The following CPNE8 variants were observed in gnomAD, a reference collection of about 807,000 sequenced individuals.
CPNE8 encodes the protein copine-8.
A neutral mutation model predicts 81.5 loss-of-function variants in CPNE8; 45 were observed. The observed-to-expected ratio is 0.55, with a 90% CI of 0.44 to 0.71. The LOEUF (loss-of-function observed/expected upper bound fraction) is 0.71, where lower values mean the gene tolerates loss of function less well. Ranked by LOEUF, CPNE8 falls within the 30% of genes least tolerant of loss-of-function variation. The pLI, the probability that CPNE8 is intolerant of heterozygous loss-of-function variation, is 0.00. For synonymous variants in CPNE8, 252 were observed against 226.3 expected (o/e 1.11, Z -1.02); for missense variants, 594 against 672.1 (o/e 0.88, Z 1.28).
intron 8 of CPNE8, among the ~76,000 whole-genome samples, chr12:38,764,402 G>A (rs960411127): frequency 6.6e-5 from 10 of 151,678 alleles, no homozygotes; most frequent in Admixed American, 3.3e-4. Context: ...CGGATCACGA[G>A]GTCAGGAGAT....
intron 14 of CPNE8, among the ~76,000 whole-genome samples, chr12:38,697,898 C>T (rs1378738346): frequency 6.6e-6 from 1 of 152,132 alleles, no homozygotes; most frequent in Non-Finnish European, 1.5e-5. Context: ...TCACCAGAAG[C>T]CAAGCAAATG....
chr12:38,710,614 C>A (rs141262552), intron 13 of CPNE8, among the ~76,000 whole-genome samples: 2 of 152,244 alleles, frequency 1.3e-5, no homozygotes, highest in Non-Finnish European at 2.9e-5. Flanking sequence ...GCAACCCATG[C>A]CATTTTCTAC....
At chr12:38,811,329 C>T (rs377662466) in intron 6 of CPNE8, among the ~76,000 whole-genome samples, 1 of 151,770 alleles carries the variant, frequency 6.6e-6, no homozygotes, top group African/African-American at 2.4e-5. Flanking sequence ...GACTAAACTA[C>T]AACAAAAAAA....
chr12:38,798,930 C>T (rs1316703365), intron 6 of CPNE8, among the ~76,000 whole-genome samples: 3 of 152,066 alleles, frequency 2.0e-5, no homozygotes, highest in Non-Finnish European at 2.9e-5. Context: ...TTTAAACCAA[C>T]AAAGATCAAA....
chr12:38,845,074 A>G (rs1943534741), intron 4 of CPNE8, among the ~76,000 whole-genome samples: 1 of 151,984 alleles, frequency 6.6e-6, no homozygotes. Context: ...ATCACTTGGG[A>G]GTCACAAACA....
At chr12:38,690,685 G>A (rs1939654200) in intron 15 of CPNE8, among the ~76,000 whole-genome samples, 1 of 152,064 alleles carries the variant, frequency 6.6e-6, no homozygotes, top group African/African-American at 2.4e-5. Context: ...GAAAAGTGGA[G>A]GGGAGGAAAA....
intron 1 of CPNE8, among the ~76,000 whole-genome samples, chr12:38,901,594 A>G (rs375383843): frequency 9.1e-4 from 138 of 152,354 alleles, no homozygotes; most frequent in African/African-American, 3.2e-3. Flanking sequence ...AATTTATACA[A>G]TAAAAGAAAA....
intron 13 of CPNE8, among the ~76,000 whole-genome samples, chr12:38,718,658 G>T (rs576893165): frequency 6.6e-6 from 1 of 151,948 alleles, no homozygotes; most frequent in Non-Finnish European, 1.5e-5. Context: ...TGTGAAATAC[G>T]TATATCATTA....
chr12:38,653,625 A>AAAAAAAAAAG lies in CPNE8; in HGVS notation c.*256_*257insCTTTTTTTTT, dbSNP rs1444932251. 5 of 290,598 alleles carry AAAAAAAAAAG rather than the reference A, an allele frequency of 1.7e-5. No homozygotes were observed. Among genetic ancestry groups the AAAAAAAAAAG allele is most frequent in the East Asian group, 1.1e-4 (2 of 18,676 alleles). 18.0% of individuals were successfully genotyped at this position (290,598 alleles called of 1,614,324 possible). On this transcript the variant is annotated 3_prime_UTR_variant, in exon 20 of 20. Coordinates refer to ENST00000331366, the MANE Select transcript of CPNE8 (RefSeq NM_153634.3). ...AAATTAGCTGTTTCTGTTAAAAAAA[A>AAAAAAAAAAG]AAAGAAAGAAAGATTTAGAGAAGAC...
chr12:38,692,315 A>G (rs944620687), intron 15 of CPNE8, among the ~76,000 whole-genome samples: 1 of 151,698 alleles, frequency 6.6e-6, no homozygotes. Flanking sequence ...AAACAAATAA[A>G]CCAAAAAAAA....
At chr12:38,657,774 C>A (rs12831609) in intron 19 of CPNE8, among the ~76,000 whole-genome samples, 49,858 of 152,014 alleles carry the variant, frequency 0.33, 9,928 homozygotes, top group Non-Finnish European at 0.45. Flanking sequence ...TGGAGTGGAC[C>A]CCCAGCAAAC....
At chr12:38,880,464 G>A (rs1944135991) in intron 1 of CPNE8, among the ~76,000 whole-genome samples, 1 of 152,112 alleles carries the variant, frequency 6.6e-6, no homozygotes, top group African/African-American at 2.4e-5. Flanking sequence ...CAGAGTAGAA[G>A]GGGAATCTAG....
intron 3 of CPNE8, among the ~76,000 whole-genome samples, chr12:38,870,644 G>A (rs540000926): frequency 5.3e-5 from 8 of 152,168 alleles, no homozygotes; most frequent in South Asian, 2.1e-4. Flanking sequence ...GCCTGTCGGC[G>A]GGTGGGGGGC....
chr12:38,774,082 C>A (rs1271540584), intron 7 of CPNE8, among the ~76,000 whole-genome samples: 2 of 152,136 alleles, frequency 1.3e-5, no homozygotes, highest in Non-Finnish European at 2.9e-5. Flanking sequence ...CTAAATGACA[C>A]ATTCCCTTTC....
intron 18 of CPNE8, among the ~76,000 whole-genome samples, chr12:38,673,555 T>C (rs1939225627): frequency 6.6e-6 from 1 of 152,130 alleles, no homozygotes; most frequent in African/African-American, 2.4e-5. Flanking sequence ...GAAGCACCTG[T>C]TGTCGCCTAG....
chr12:38,702,194 T>A (rs1305052397), intron 14 of CPNE8, among the ~76,000 whole-genome samples: 1 of 152,212 alleles, frequency 6.6e-6, no homozygotes, highest in Non-Finnish European at 1.5e-5. Context: ...AAAAGTTACA[T>A]AATGAAGTTA....
At chr12:38,850,746 T>C (rs1943631424) in intron 3 of CPNE8, among the ~76,000 whole-genome samples, 3 of 152,140 alleles carry the variant, frequency 2.0e-5, no homozygotes, top group African/African-American at 7.2e-5. Flanking sequence ...TGACACCACA[T>C]TCCTCTGTGT....
At chr12:38,736,689 C>T (rs1206102680) in intron 10 of CPNE8, among the ~76,000 whole-genome samples, 4 of 151,900 alleles carry the variant, frequency 2.6e-5, no homozygotes, top group African/African-American at 4.8e-5. Flanking sequence ...AAGCTGAATG[C>T]ACCAGAATAT....
At position 38,730,291 on chromosome 12, in the gene CPNE8, C is replaced by G; in HGVS notation, c.790G>C (p.Val264Leu). The G allele has an allele frequency of 6.4e-7, 1 of 1,567,658 alleles. No homozygotes were observed. The highest frequency in any genetic ancestry group is 8.8e-7 in the Non-Finnish European group (1 of 1,139,714). ...ELSRGQSQFNVYEVVNPKKKG... is the reference protein window; with the variant it reads ...ELSRGQSQFNLYEVVNPKKKG... ...AATAAAATGCCTCTTACCTCATATA[C>G]GTTGAATTGTGACTGCCCTCTAGAA... is the stretch of plus-strand genomic sequence containing the variant. The change falls in exon 11 of 20, where the codon GTA (valine) becomes CTA (leucine). Residue 264 changes from valine to leucine, a missense_variant. By Grantham distance (32) the Val-to-Leu change is conservative (BLOSUM62 1). Transcript: ENST00000331366.
Sources: allele counts gnomAD v4.1 joint callset (sites outside exome capture counted in the v4.1 genomes callset), GRCh38; gene constraint gnomAD v4.1.1; transcripts MANE v1.5; gene names NCBI Gene and HGNC (gene_info 2026-07-23, HGNC 2026-07-21).